The following ANK2 variants were observed in gnomAD, a reference collection of about 807,000 sequenced individuals.
ANK2 encodes ankyrin 2.
In ANK2, 83 loss-of-function variants were observed where a neutral mutation model predicts 360.5. The observed-to-expected ratio is 0.23, with a 90% CI of 0.19 to 0.28. The LOEUF (loss-of-function observed/expected upper bound fraction) is 0.28. Ranked by LOEUF, ANK2 falls within the 10% of genes least tolerant of loss-of-function variation. The probability of loss-of-function intolerance (pLI) is 1.00; values close to 1 mark genes in which losing one functional copy is unlikely to be tolerated. For missense variants in ANK2, 4,201 were observed against 4,795.7 expected (o/e 0.88, Z 3.66); for synonymous variants, 1,740 against 1,759.5 (o/e 0.99, Z 0.28).
intron 2 of ANK2, among the ~76,000 whole-genome samples, chr4:112,962,799 T>C (rs1034573363): frequency 2.6e-5 from 4 of 152,178 alleles, no homozygotes; most frequent in Non-Finnish European, 2.9e-5. Flanking sequence ...CACTGACTTA[T>C]GGCAAGAGTA....
chr4:113,204,317 A>C (rs2098910320), intron 4 of ANK2, among the ~76,000 whole-genome samples: 1 of 152,198 alleles, frequency 6.6e-6, no homozygotes, highest in East Asian at 1.9e-4. Context: ...CAAACATGAG[A>C]AGCTAAGCAA....
At chr4:112,946,609 T>C (rs1250331460) in intron 2 of ANK2, among the ~76,000 whole-genome samples, 1 of 152,152 alleles carries the variant, frequency 6.6e-6, no homozygotes, top group Non-Finnish European at 1.5e-5. Context: ...ATAAATTAAG[T>C]TTATACAGGA....
the ANK2 span, among the ~76,000 whole-genome samples, chr4:112,713,866 G>A: frequency 5.3e-5 from 8 of 151,466 alleles, no homozygotes; most frequent in South Asian, 8.3e-4. Context: ...CCCGGGAGGC[G>A]GAGCTTGCAG....
chr4:113,139,315 C>T (rs1437152642), intron 1 of ANK2, among the ~76,000 whole-genome samples: 1 of 152,178 alleles, frequency 6.6e-6, no homozygotes, highest in Non-Finnish European at 1.5e-5. Context: ...GAGTACTTTT[C>T]AGATTATCTC....
chr4:112,807,688 G>C, the ANK2 span, among the ~76,000 whole-genome samples: 2 of 152,206 alleles, frequency 1.3e-5, no homozygotes, highest in African/African-American at 4.8e-5. Context: ...TGAGATCAAA[G>C]AAACCTTGGT....
chr4:113,320,864 T>C (rs1296528756), intron 26 of ANK2, among the ~76,000 whole-genome samples: 2 of 152,194 alleles, frequency 1.3e-5, no homozygotes, highest in Non-Finnish European at 2.9e-5. Flanking sequence ...CAAATGTTCT[T>C]TATTTCTTCC....
intron 2 of ANK2, among the ~76,000 whole-genome samples, chr4:112,932,675 C>A (rs1385350178): frequency 6.6e-6 from 1 of 151,402 alleles, no homozygotes; most frequent in Non-Finnish European, 1.5e-5. Flanking sequence ...GAAAGAGAGT[C>A]TTTATCTTAA....
intron 10 of ANK2, among the ~76,000 whole-genome samples, chr4:113,250,839 A>C (rs1377996083): frequency 1.3e-5 from 2 of 150,474 alleles, no homozygotes; most frequent in African/African-American, 4.9e-5. Flanking sequence ...ACAAACAAAT[A>C]TTTTTCAATT....
chr4:113,017,403 G>A (rs1179962503), intron 2 of ANK2, among the ~76,000 whole-genome samples: 1 of 151,684 alleles, frequency 6.6e-6, no homozygotes, highest in African/African-American at 2.4e-5. Context: ...ACTGCTCCAT[G>A]CATGTCTTTG....
chr4:113,117,916 C>G (rs1369766278), intron 1 of ANK2, among the ~76,000 whole-genome samples: 1 of 152,028 alleles, frequency 6.6e-6, no homozygotes, highest in Non-Finnish European at 1.5e-5. Context: ...GAGGTTTACA[C>G]CCGGTTTTCA....
intron 1 of ANK2, among the ~76,000 whole-genome samples, chr4:113,171,448 A>G (rs1348565296): frequency 6.6e-6 from 1 of 152,176 alleles, no homozygotes; most frequent in Non-Finnish European, 1.5e-5. Context: ...TAACTTTTAA[A>G]ACCTCATTTT....
chr4:112,882,523 A>C (rs931528255), intron 1 of ANK2, among the ~76,000 whole-genome samples: 1 of 152,158 alleles, frequency 6.6e-6, no homozygotes, highest in Non-Finnish European at 1.5e-5. Flanking sequence ...TGGAAACCTA[A>C]TCTGGGGGTG....
At chr4:113,048,276 A>ATATATATATT (rs1561690476), upstream of ANK2, among the ~76,000 whole-genome samples, 1 of 39,736 alleles carries the variant, frequency 2.5e-5, no homozygotes, top group African/African-American at 1.1e-4. Flanking sequence ...ATATATATAT[A>ATATATATATT]TTTTTTTTTT....
chr4:112,936,792 G>T (rs78600874), intron 2 of ANK2, among the ~76,000 whole-genome samples: 103 of 150,760 alleles, frequency 6.8e-4, no homozygotes, highest in Non-Finnish European at 1.1e-3. Context: ...TTTTTTTTTT[G>T]TTTGTTTGTT....
intron 1 of ANK2, among the ~76,000 whole-genome samples, chr4:112,885,623 C>T (rs2078099843): frequency 3.3e-5 from 5 of 151,442 alleles, no homozygotes; most frequent in South Asian, 4.2e-4. Flanking sequence ...GGTGAAACCC[C>T]GTCTCTGCTA....
intron 2 of ANK2, among the ~76,000 whole-genome samples, chr4:112,944,695 GA>G (rs1298949452): frequency 7.2e-5 from 11 of 151,740 alleles, no homozygotes; most frequent in African/African-American, 2.7e-4. Context: ...GTTTAGCATA[GA>G]AAAAAAATGA....
chr4:112,903,316 G>A (rs976014154), intron 1 of ANK2, among the ~76,000 whole-genome samples: 1 of 152,188 alleles, frequency 6.6e-6, no homozygotes, highest in Non-Finnish European at 1.5e-5. Context: ...GATCATCTTG[G>A]AGAGTTTGTA....
At chr4:113,195,615 AG>A (rs1031088546) in intron 2 of ANK2, among the ~76,000 whole-genome samples, 74 of 152,176 alleles carry the variant, frequency 4.9e-4, no homozygotes, top group African/African-American at 1.7e-3. Context: ...GGGCTATGGA[AG>A]CTAATAATTG....
intron 2 of ANK2, among the ~76,000 whole-genome samples, chr4:112,951,098 A>T (rs1175691758): frequency 6.6e-6 from 1 of 151,468 alleles, no homozygotes; most frequent in Non-Finnish European, 1.5e-5. Context: ...AAAAAAAAAA[A>T]AAAAAAAATG....
Sources: gnomAD v4.1 joint callset for allele counts (sites outside exome capture counted in the v4.1 genomes callset) on GRCh38, gnomAD v4.1.1 for gene constraint, MANE v1.5 for transcripts, NCBI Gene and HGNC (gene_info 2026-07-23, HGNC 2026-07-21) for gene names.